The following TENM3 variants were observed in gnomAD, a reference collection of about 807,000 sequenced individuals.
TENM3 encodes teneurin-3.
In TENM3, 63 loss-of-function variants were observed where a neutral mutation model predicts 255.1. The observed-to-expected ratio is 0.25, with a 90% CI of 0.20 to 0.30. The LOEUF is 0.30. Ranked by LOEUF, TENM3 falls within the 10% of genes least tolerant of loss-of-function variation. The probability of loss-of-function intolerance (pLI) is 1.00; values close to 1 mark genes in which losing one functional copy is unlikely to be tolerated. For synonymous variants in TENM3, 1,306 were observed against 1,322.3 expected (o/e 0.99, Z 0.27); for missense variants, 2,929 against 3,461.1 (o/e 0.85, Z 3.86).
the TENM3 span, among the ~76,000 whole-genome samples, chr4:182,095,553 G>A: frequency 2.0e-5 from 3 of 152,188 alleles, no homozygotes; most frequent in South Asian, 6.2e-4. Flanking sequence ...GGGTAGTGGG[G>A]AGGGGAAGAA....
chr4:182,282,140 G>A (rs913631558), intron 1 of TENM3, among the ~76,000 whole-genome samples: 8 of 152,130 alleles, frequency 5.3e-5, no homozygotes, highest in Non-Finnish European at 8.8e-5. Flanking sequence ...AGAAATATGT[G>A]GTTTAAAGCA....
chr4:181,925,815 C>A, the TENM3 span, among the ~76,000 whole-genome samples: 1 of 152,100 alleles, frequency 6.6e-6, no homozygotes, highest in African/African-American at 2.4e-5. Context: ...TCAGAATATT[C>A]CTAAACAAGC....
chr4:182,179,942 C>A (rs1752739941), intron 1 of TENM3, among the ~76,000 whole-genome samples: 1 of 151,958 alleles, frequency 6.6e-6, no homozygotes. Context: ...TTTTTGTGTT[C>A]TTCTCCCAGG....
chr4:182,203,334 AGGTAGCGT>A (rs2149840054), intron 1 of TENM3, among the ~76,000 whole-genome samples: 1 of 152,196 alleles, frequency 6.6e-6, no homozygotes, highest in East Asian at 1.9e-4. Context: ...GGCCACAGGT[AGGTAGCGT>A]GGTAAAAGTT....
chr4:182,154,453 G>A (rs1750559750), intron 1 of TENM3, among the ~76,000 whole-genome samples: 1 of 151,972 alleles, frequency 6.6e-6, no homozygotes, highest in Admixed American at 6.6e-5. Context: ...AAGTTAATTG[G>A]TTTCTTTCCT....
chr4:181,939,401 A>G, the TENM3 span, among the ~76,000 whole-genome samples: 1 of 152,188 alleles, frequency 6.6e-6, no homozygotes, highest in Non-Finnish European at 1.5e-5. Flanking sequence ...GAGATTTCAG[A>G]GTGATGTCCT....
chr4:182,060,896 C>T, the TENM3 span, among the ~76,000 whole-genome samples: 8 of 152,168 alleles, frequency 5.3e-5, no homozygotes, highest in South Asian at 1.5e-3. Context: ...ATATGCATTC[C>T]CCAGCTATGT....
At chr4:182,052,663 A>G in the TENM3 span, among the ~76,000 whole-genome samples, 1 of 152,142 alleles carries the variant, frequency 6.6e-6, no homozygotes, top group African/African-American at 2.4e-5. Flanking sequence ...CCCTGTTCAG[A>G]CTTCCCCACA....
At position 182,679,649 on chromosome 4, in the gene TENM3, C is replaced by T. The variant is rs538184903; in HGVS notation, c.1327-17C>T. The T allele has an allele frequency of 1.9e-6, 3 of 1,593,624 alleles. No homozygotes were observed. Among genetic ancestry groups the T allele is most frequent in the African/African-American group, 1.4e-5 (1 of 73,976 alleles). On this transcript the variant is annotated splice_polypyrimidine_tract_variant and intron_variant, in intron 7 of 27. Transcript: ENST00000511685. ...ACCCTTTATCTTTCTGACTATTTTT[C>T]CTCGTCCTCCCCCCAGTATGACTTC...
chr4:181,900,180 C>T, the TENM3 span, among the ~76,000 whole-genome samples: 1 of 152,028 alleles, frequency 6.6e-6, no homozygotes, highest in African/African-American at 2.4e-5. Flanking sequence ...TTAAAGGCAT[C>T]CTGATTGCCA....
At chr4:181,516,593 C>T in the TENM3 span, among the ~76,000 whole-genome samples, 3 of 151,878 alleles carry the variant, frequency 2.0e-5, no homozygotes, top group African/African-American at 7.3e-5. Context: ...CCAGCCTGAC[C>T]AACACGGAGA....
At chr4:181,468,661 T>C in the TENM3 span, among the ~76,000 whole-genome samples, 8 of 152,236 alleles carry the variant, frequency 5.3e-5, no homozygotes, top group African/African-American at 1.7e-4. Flanking sequence ...CCAGGATCTA[T>C]AGCAGACAAA....
At chr4:182,254,733 G>T (rs1319938914) in intron 1 of TENM3, among the ~76,000 whole-genome samples, 1 of 152,056 alleles carries the variant, frequency 6.6e-6, no homozygotes, top group African/African-American at 2.4e-5. Context: ...TGAACTTTTG[G>T]ATGGCAGTTA....
chr4:181,737,967 A>G, the TENM3 span, among the ~76,000 whole-genome samples: 1 of 151,768 alleles, frequency 6.6e-6, no homozygotes, highest in African/African-American at 2.4e-5. Flanking sequence ...TGCAATAAAC[A>G]TTATACAGCA....
the TENM3 span, among the ~76,000 whole-genome samples, chr4:182,086,280 C>CT: frequency 6.6e-6 from 1 of 152,194 alleles, no homozygotes; most frequent in African/African-American, 2.4e-5. Flanking sequence ...ATCTCAGACA[C>CT]TGCACAAATT....
chr4:182,622,347 C>CAAA (rs199865441), intron 4 of TENM3, among the ~76,000 whole-genome samples: 2 of 149,758 alleles, frequency 1.3e-5, no homozygotes, highest in Non-Finnish European at 3.0e-5. Context: ...AACTCTATCG[C>CAAA]AAAAAAAAAG....
intron 3 of TENM3, among the ~76,000 whole-genome samples, chr4:182,580,805 T>A (rs1254793090): frequency 2.0e-5 from 3 of 152,228 alleles, no homozygotes; most frequent in Non-Finnish European, 2.9e-5. Context: ...ATTTAAAGAA[T>A]GTTTCTGAGA....
chr4:182,066,713 G>A, the TENM3 span, among the ~76,000 whole-genome samples: 145,944 of 151,464 alleles, frequency 0.96, 70,536 homozygotes, highest in East Asian at 1. Context: ...GATCGAGACC[G>A]TCCTGGCTAA....
the TENM3 span, among the ~76,000 whole-genome samples, chr4:181,454,572 G>T: frequency 7.3e-6 from 1 of 136,520 alleles, no homozygotes; most frequent in African/African-American, 2.8e-5. Flanking sequence ...TCCATTCCTG[G>T]TAAGTGCCTT....
Sources: gnomAD v4.1 joint callset for allele counts (sites outside exome capture counted in the v4.1 genomes callset) on GRCh38, gnomAD v4.1.1 for gene constraint, MANE v1.5 for transcripts, NCBI Gene and HGNC (gene_info 2026-07-23, HGNC 2026-07-21) for gene names.